Variants in LPP observed in about 807,000 individuals in gnomAD.
LPP encodes the protein lipoma-preferred partner.
A neutral mutation model predicts 60.4 loss-of-function variants in LPP; 38 were observed. The ratio of observed to expected loss-of-function variants is 0.63; its 90% CI spans 0.49 to 0.83. The LOEUF (loss-of-function observed/expected upper bound fraction) is 0.83. Among genes scored for constraint, LPP ranks in the 40% least tolerant of loss-of-function variants. LPP has a pLI of 0.00. For missense variants in LPP, 902 were observed against 783.6 expected (o/e 1.15, Z -1.80); for synonymous variants, 328 against 290.8 (o/e 1.13, Z -1.30).
At chr3:188,318,893 G>A (rs1756048769) in intron 2 of LPP, among the ~76,000 whole-genome samples, 2 of 150,066 alleles carry the variant, frequency 1.3e-5, no homozygotes, top group Admixed American at 6.7e-5. Context: ...CAAGTAGCTG[G>A]GACTACAGGC....
rs147952589 is a variant in LPP, at chr3:188,720,893, G to T, written c.1240+12500G>T. Among the ~76,000 whole-genome samples, 712 of 152,250 alleles carry T rather than the reference G, an allele frequency of 4.7e-3. 7 individuals carry two copies. Among genetic ancestry groups the T allele is most frequent in the African/African-American group, 0.016 (684 of 41,556 alleles). ...CAGAAACAGTGTACACTAGTGACTTGCTGAAAGAGCCTAAGAAGATACAGT... is the reference window on the plus strand; with the variant it reads ...CAGAAACAGTGTACACTAGTGACTTTCTGAAAGAGCCTAAGAAGATACAGT... On this transcript the variant is annotated intron_variant, in intron 8 of 11. Coordinates refer to ENST00000617246, the MANE Select transcript of LPP (RefSeq NM_001375462.1).
chr3:188,496,970 G>C (rs1004439562), intron 5 of LPP, among the ~76,000 whole-genome samples: 5 of 149,062 alleles, frequency 3.4e-5, no homozygotes, highest in African/African-American at 1.2e-4. Flanking sequence ...ACGGAAATAA[G>C]TTAAATTTTG....
At chr3:188,430,008 A>G (rs1305188129) in intron 4 of LPP, among the ~76,000 whole-genome samples, 2 of 152,218 alleles carry the variant, frequency 1.3e-5, no homozygotes, top group Non-Finnish European at 2.9e-5. Context: ...TTTATTTTAA[A>G]TAGAAAAGAA....
intron 5 of LPP, among the ~76,000 whole-genome samples, chr3:188,512,925 A>G (rs970680246): frequency 1.3e-5 from 2 of 152,228 alleles, no homozygotes; most frequent in African/African-American, 4.8e-5. Flanking sequence ...AACAAAATCA[A>G]TAGCAAAATT....
intron 8 of LPP, chr3:188,709,675 A>T (rs1443656341): frequency 1.3e-5 from 2 of 152,254 alleles, no homozygotes; most frequent in Non-Finnish European, 2.9e-5. Context: ...TAAAAGCTCC[A>T]TTTATTAGGA....
At chr3:188,172,690 A>G (rs1721927086) in intron 1 of LPP, among the ~76,000 whole-genome samples, 1 of 152,158 alleles carries the variant, frequency 6.6e-6, no homozygotes, top group African/African-American at 2.4e-5. Context: ...GATGTCTTAC[A>G]TTACTATGGA....
chr3:188,747,868 C>T (rs1726779506), intron 8 of LPP, among the ~76,000 whole-genome samples: 1 of 152,172 alleles, frequency 6.6e-6, no homozygotes, highest in South Asian at 2.1e-4. Flanking sequence ...ATGGAAATGG[C>T]CTTAGGTCCT....
At chr3:188,872,543 A>G in intron 10 of LPP, 100 bp from the exon 11 acceptor site, 1 of 1,280,970 alleles carries the variant, frequency 7.8e-7, no homozygotes, top group Non-Finnish European at 1.1e-6. Flanking sequence ...ATGAGGAAGC[A>G]GGTATACCGA....
intron 3 of LPP, among the ~76,000 whole-genome samples, chr3:188,373,098 G>T (rs542473418): frequency 2.0e-5 from 3 of 152,146 alleles, no homozygotes; most frequent in South Asian, 2.1e-4. Context: ...TCTTAATCCA[G>T]TCTATTGTTG....
intron 8 of LPP, among the ~76,000 whole-genome samples, chr3:188,746,238 C>T (rs976954826): frequency 5.3e-5 from 8 of 152,088 alleles, no homozygotes; most frequent in African/African-American, 1.4e-4. Flanking sequence ...TCTGTACAGT[C>T]GGCTTCTCTA....
At chr3:188,556,920 ATAGT>A (rs923380188) in intron 6 of LPP, among the ~76,000 whole-genome samples, 1 of 152,140 alleles carries the variant, frequency 6.6e-6, no homozygotes, top group Non-Finnish European at 1.5e-5. Flanking sequence ...TCCTAAAATA[ATAGT>A]TAATGTCTTG....
At chr3:188,555,820 G>A (rs1202028587) in intron 6 of LPP, among the ~76,000 whole-genome samples, 1 of 152,056 alleles carries the variant, frequency 6.6e-6, no homozygotes, top group African/African-American at 2.4e-5. Flanking sequence ...GGGTACAAGG[G>A]CAGGCTCTTG....
chr3:188,525,395 A>G (rs1820323845), intron 6 of LPP, among the ~76,000 whole-genome samples: 1 of 152,224 alleles, frequency 6.6e-6, no homozygotes, highest in Non-Finnish European at 1.5e-5. Flanking sequence ...AAAATAACAC[A>G]ACATCATACA....
chr3:188,589,548 T>C (rs1018158451), intron 6 of LPP, among the ~76,000 whole-genome samples: 2 of 152,354 alleles, frequency 1.3e-5, no homozygotes, highest in East Asian at 3.9e-4. Flanking sequence ...CCAATAGATG[T>C]ATTTTGAAAA....
At chr3:188,311,867 G>A (rs1418961279) in intron 2 of LPP, among the ~76,000 whole-genome samples, 1 of 152,080 alleles carries the variant, frequency 6.6e-6, no homozygotes, top group African/African-American at 2.4e-5. Flanking sequence ...TCGAACTCCT[G>A]AGCTCAGATG....
intron 1 of LPP, among the ~76,000 whole-genome samples, chr3:188,215,298 C>T (rs1274194063): frequency 6.6e-6 from 1 of 151,568 alleles, no homozygotes; most frequent in Non-Finnish European, 1.5e-5. Context: ...AGATCGAGAC[C>T]CTGTCTCAGA....
intron 9 of LPP, among the ~76,000 whole-genome samples, chr3:188,860,920 T>TA (rs2060408499): frequency 1.3e-5 from 2 of 152,182 alleles, no homozygotes; most frequent in Admixed American, 1.3e-4. Context: ...ACAGATTCCA[T>TA]ATAATGTGAT....
At chr3:188,203,421 A>T (rs9789966) in intron 1 of LPP, among the ~76,000 whole-genome samples, 8,912 of 33,948 alleles carry the variant, frequency 0.26, 599 homozygotes, top group South Asian at 0.41. Context: ...TATATATATA[A>T]TATAAATATA....
chr3:188,522,959 G>A (rs1819403486), intron 5 of LPP, among the ~76,000 whole-genome samples: 1 of 151,886 alleles, frequency 6.6e-6, no homozygotes. Context: ...GTAGGCTGGA[G>A]TGCAGTGGTA....
Sources: allele counts gnomAD v4.1 joint callset (sites outside exome capture counted in the v4.1 genomes callset), GRCh38; gene constraint gnomAD v4.1.1; transcripts MANE v1.5; gene names NCBI Gene and HGNC (gene_info 2026-07-23, HGNC 2026-07-21).